Variants in CCNYL1 observed in about 807,000 individuals in gnomAD.
CCNYL1 encodes cyclin Y like 1, also known as cyclin-Y-like protein 1.
CCNYL1 carries 16 observed loss-of-function variants against 44.2 expected under a neutral mutation model. The observed-to-expected ratio is 0.36, with a 90% confidence interval of 0.25 to 0.55. CCNYL1 has a LOEUF of 0.55. CCNYL1 is among the 20% of genes least tolerant of loss of function. The probability of loss-of-function intolerance (pLI) is 0.85; values close to 1 mark genes in which losing one functional copy is unlikely to be tolerated. For synonymous variants in CCNYL1, 159 were observed against 163.2 expected, an observed-to-expected ratio of 0.97 and a Z score of 0.20; for missense variants, 348 against 451.8, an observed-to-expected ratio of 0.77 and a Z score of 2.08.
chr2:207,726,859 A>T lies in CCNYL1; in HGVS notation c.313A>T (p.Ser105Cys). Residue 105 changes from serine (S) to cysteine (C), a missense_variant, in exon 3 of 10, where the codon AGC becomes TGC. By Grantham distance (112) the Ser-to-Cys change is moderately radical. Around this residue, in one of 3 missense-constraint regions of CCNYL1, gnomAD observed 209 missense variants for 247.7 expected, o/e 0.84. Transcript: ENST00000295414. ...ATTCTTAGTGCGAGAAAAGAGGAAG[A>T]GCAACCATTTGAACCATGTAAGTAA... ...SQTDVREKRK[S>C]NHLNHVSPGQ... is the part of the protein sequence containing the mutation. 2.6e-6 allele frequency: 4 copies of T among 1,566,488 alleles called. No individual in the cohort carries two copies. The highest frequency in any genetic ancestry group is 3.4e-6 in the Non-Finnish European group (4 of 1,163,038).
Position 207,753,955 on chromosome 2 carries a change from TAC to T in CCNYL1, c.*263_*264del, listed in dbSNP as rs1171135257. On this transcript the variant is annotated 3_prime_UTR_variant, in exon 10 of 10. Transcript: ENST00000295414. ...CACTCCAAAGTGAAGGCTCCCATCC[TAC>T]ACACAGATATTTGCTTACTGTGTGG... 2.9e-6 allele frequency: 1 copy of T among 349,160 alleles called. No homozygotes were observed. The highest frequency in any genetic ancestry group is 5.2e-6 in the Non-Finnish European group (1 of 192,558). 21.6% of individuals were successfully genotyped at this position (349,160 alleles called of 1,614,324 possible).
chr2:207,717,871 A>T (rs1362244911), intron 1 of CCNYL1, among the ~76,000 whole-genome samples: 1 of 151,098 alleles, frequency 6.6e-6, no homozygotes, highest in Non-Finnish European at 1.5e-5. Flanking sequence ...ATAGGAAACC[A>T]TTGGAGGATT....
At chr2:207,750,729 C>T (rs949059902) in intron 8 of CCNYL1, 3 of 434,968 alleles carry the variant, frequency 6.9e-6, no homozygotes, top group East Asian at 3.7e-5. Flanking sequence ...ACAAGTGCAT[C>T]GGAGGCCGTA....
intron 1 of CCNYL1, among the ~76,000 whole-genome samples, chr2:207,712,395 G>A (rs1016349475): frequency 7.9e-5 from 12 of 152,320 alleles, no homozygotes; most frequent in African/African-American, 2.9e-4. Flanking sequence ...CTTCTTGTTT[G>A]TAGCTCTGTT....
At chr2:207,729,122 A>G (rs1466094048) in intron 3 of CCNYL1, among the ~76,000 whole-genome samples, 1 of 152,104 alleles carries the variant, frequency 6.6e-6, no homozygotes, top group Non-Finnish European at 1.5e-5. Context: ...TATTGGGACC[A>G]ATAAGTCTGT....
Position 207,742,091 on chromosome 2 carries a change from C to T in CCNYL1, c.520-132C>T. 3 of 766,390 alleles carry T rather than the reference C, an allele frequency of 3.9e-6. No individual in the cohort carries two copies. The Admixed American group carries it at 9.2e-5, about 24-fold the overall frequency. The allele number at this position is 766,390 out of a possible 1,614,324, so 47.5% of individuals were successfully genotyped here. On this transcript the variant is annotated intron_variant, in intron 6 of 9. Transcript: ENST00000295414. ...ACTTAAACCCGGGGGGTAGAGGTTG[C>T]AGTGAGCCAAGATCATGCCATTGCA...
intron 7 of CCNYL1, among the ~76,000 whole-genome samples, chr2:207,745,433 A>T (rs2091847564): frequency 6.6e-6 from 1 of 152,118 alleles, no homozygotes; most frequent in Non-Finnish European, 1.5e-5. Context: ...AAGTTGAGGG[A>T]TTGTCTATGT....
rs148358048 is a variant in CCNYL1 at position 207,750,813 on chromosome 2, C to T, written c.807-144C>T. The T allele has an allele frequency of 4.7e-5, 31 of 660,148 alleles. No homozygotes were observed. In the East Asian group the frequency reaches 8.3e-4, roughly 18 times the overall value. The allele number at this position is 660,148 out of a possible 1,614,324, so 40.9% of individuals were successfully genotyped here. On this transcript the variant is annotated intron_variant, in intron 8 of 9. Transcript: ENST00000295414. ...CACAAGTAACTGTACCTTATGTGAA[C>T]ATTAGTATGTTAATACAACTGGGTA...
At chr2:207,725,852 C>G (rs1009862394) in intron 2 of CCNYL1, among the ~76,000 whole-genome samples, 1 of 152,172 alleles carries the variant, frequency 6.6e-6, no homozygotes, top group African/African-American at 2.4e-5. Context: ...AATTTATTTG[C>G]TAAAAAGCTA....
chr2:207,716,717 A>G (rs904149954), intron 1 of CCNYL1, among the ~76,000 whole-genome samples: 3 of 152,202 alleles, frequency 2.0e-5, no homozygotes, highest in African/African-American at 7.2e-5. Flanking sequence ...AAGGGTACCG[A>G]TAAAAACATA....
chr2:207,744,775 A>G (rs936195654), intron 7 of CCNYL1, among the ~76,000 whole-genome samples: 3 of 152,198 alleles, frequency 2.0e-5, no homozygotes, highest in African/African-American at 4.8e-5. Context: ...AGAGTAGGCC[A>G]TAATTGGCAG....
intron 7 of CCNYL1, among the ~76,000 whole-genome samples, chr2:207,745,557 A>G (rs995035573): frequency 6.6e-6 from 1 of 152,262 alleles, no homozygotes; most frequent in African/African-American, 2.4e-5. Context: ...GTCATGTTCA[A>G]TATCCATTTT....
chr2:207,732,931 C>T (rs2091739671), intron 3 of CCNYL1, among the ~76,000 whole-genome samples: 1 of 152,142 alleles, frequency 6.6e-6, no homozygotes, highest in Non-Finnish European at 1.5e-5. Context: ...CTTAATTTGT[C>T]CCCAATTCTG....
intron 1 of CCNYL1, among the ~76,000 whole-genome samples, chr2:207,723,930 T>G (rs2091660727): frequency 6.6e-6 from 1 of 152,080 alleles, no homozygotes; most frequent in African/African-American, 2.4e-5. Flanking sequence ...TTTTTATTTT[T>G]TCCCCTCGTG....
intron 5 of CCNYL1, 41 bp downstream of exon 5, chr2:207,737,487 A>ACTTT (rs768586203): frequency 5.9e-6 from 9 of 1,517,860 alleles, no homozygotes; most frequent in Non-Finnish European, 6.4e-6. Context: ...CCAGCTAATT[A>ACTTT]CTTTGCATGA....
intron 5 of CCNYL1, among the ~76,000 whole-genome samples, chr2:207,740,051 A>C (rs2091796458): frequency 1.3e-5 from 2 of 152,238 alleles, no homozygotes; most frequent in Non-Finnish European, 2.9e-5. Flanking sequence ...AAAAGGATCT[A>C]GAGGGTCTCC....
chr2:207,714,846 C>T (rs1322141923), intron 1 of CCNYL1: 1 of 153,522 alleles, frequency 6.5e-6, no homozygotes, highest in East Asian at 1.9e-4. Flanking sequence ...GCCTATTATT[C>T]ATAAGTTTCC....
intron 1 of CCNYL1, among the ~76,000 whole-genome samples, chr2:207,718,893 C>G (rs1428062001): frequency 2.6e-5 from 4 of 151,322 alleles, no homozygotes; most frequent in Non-Finnish European, 5.9e-5. Context: ...TTTTCAATAG[C>G]TAAATATTGG....
intron 1 of CCNYL1, among the ~76,000 whole-genome samples, chr2:207,718,491 G>A (rs1383710903): frequency 6.6e-6 from 1 of 151,548 alleles, no homozygotes; most frequent in African/African-American, 2.4e-5. Context: ...CTGGGTGACA[G>A]TGAGACTGTC....
Sources: allele counts gnomAD v4.1 joint callset (sites outside exome capture counted in the v4.1 genomes callset), GRCh38; gene constraint gnomAD v4.1.1; regional missense constraint gnomAD v4.1.1; transcripts MANE v1.5; gene names NCBI Gene and HGNC (gene_info 2026-07-23, HGNC 2026-07-21).